Variants in TTI1 observed in about 807,000 individuals in gnomAD.
The protein encoded by TTI1 is TELO2-interacting protein 1 homolog.
In TTI1, 52 loss-of-function variants were observed where a neutral mutation model predicts 85.4. The ratio of observed to expected loss-of-function variants is 0.61; its 90% CI spans 0.49 to 0.77. The LOEUF is 0.77. Ranked by LOEUF, TTI1 falls within the 30% of genes least tolerant of loss-of-function variation. The pLI, the probability that TTI1 is intolerant of heterozygous loss-of-function variation, is 0.00. For missense variants in TTI1, 1,173 were observed against 1,296.0 expected (o/e 0.91, Z 1.46); for synonymous variants, 512 against 503.9 (o/e 1.02, Z -0.22).
At chr20:38,021,944 G>C (rs992392084) in intron 1 of TTI1, among the ~76,000 whole-genome samples, 3 of 152,158 alleles carry the variant, frequency 2.0e-5, no homozygotes, top group Non-Finnish European at 4.4e-5. Flanking sequence ...AAAAAGGGAG[G>C]GGAAAAAGTG....
At position 38,012,982 on chromosome 20, in the gene TTI1, A is replaced by C. The variant is rs764382981; in HGVS notation, c.835T>G (p.Trp279Gly). ...AELMVYREAD[W>G]VKKTGDKLTI... ...AACTTGTCGCCAGTCTTTTTTACCCAATCTGCTTCCCTGTAAACCATCAGC... is the reference window on the plus strand; with the variant it reads ...AACTTGTCGCCAGTCTTTTTTACCCCATCTGCTTCCCTGTAAACCATCAGC... The change falls in exon 2 of 8, where the codon TGG (tryptophan) becomes GGG (glycine). Residue 279 changes from tryptophan (W) to glycine (G), a missense_variant. By Grantham distance (184) the Trp-to-Gly change is radical. Coordinates refer to ENST00000373447, the MANE Select transcript of TTI1 (RefSeq NM_001303457.2). 7.8e-5 allele frequency: 126 copies of C among 1,613,882 alleles called. No individual in the cohort carries two copies. The highest frequency in any genetic ancestry group is 1.1e-4 in the Non-Finnish European group (124 of 1,180,022).
intron 1 of TTI1, among the ~76,000 whole-genome samples, chr20:38,026,376 C>T (rs903062353): frequency 1.2e-4 from 19 of 152,140 alleles, no homozygotes; most frequent in Admixed American, 7.9e-4. Context: ...CCAGGCTGGT[C>T]TCAAACTCCT....
At position 38,025,234 on chromosome 20, in the gene TTI1, A is replaced by C. The variant is rs530436407; in HGVS notation, c.-42+8170T>G. ...GAAATGTCCGAATCTCAATATAAAA[A>C]TCACTCATACCAGGAACCAGGAGGA... On this transcript the variant is annotated intron_variant, in intron 1 of 7. Transcript: ENST00000373447. Among the ~76,000 whole-genome samples, 224 of 152,298 alleles carry C rather than the reference A, an allele frequency of 1.5e-3. 1 individual carries two copies. Among genetic ancestry groups the C allele is most frequent in the Admixed American group, 8.2e-3 (125 of 15,296 alleles).
chr20:38,024,081 C>T (rs1211105808), intron 1 of TTI1, among the ~76,000 whole-genome samples: 1 of 152,098 alleles, frequency 6.6e-6, no homozygotes, highest in Non-Finnish European at 1.5e-5. Context: ...CTAGACAGGA[C>T]CTTTTTTGCT....
intron 7 of TTI1, chr20:37,987,533 C>T (rs1383175688): frequency 5.4e-6 from 2 of 367,100 alleles, no homozygotes; most frequent in African/African-American, 4.3e-5. Flanking sequence ...TCAGTGGCTC[C>T]AGAGAGCACA....
intron 1 of TTI1, among the ~76,000 whole-genome samples, chr20:38,025,675 G>A (rs958576237): frequency 2.6e-5 from 4 of 152,024 alleles, no homozygotes; most frequent in Non-Finnish European, 5.9e-5. Flanking sequence ...AAAACAGTAC[G>A]ATTAAAATGT....
In TTI1 at chr20:38,026,390, C is replaced by A. The variant is rs200938166; in HGVS notation, c.-42+7014G>T. Among the ~76,000 whole-genome samples the A allele has an allele frequency of 4.6e-5, 7 of 152,202 alleles. No individual in the cohort carries two copies. The East Asian group carries it at 1.4e-3, about 29-fold the overall frequency. ...GCCAGGCTGGTCTCAAACTCCTGGC[C>A]TCAAGTGATCCACCCACCTTAGCCT... On this transcript the variant is annotated intron_variant, in intron 1 of 7. Coordinates refer to ENST00000373447, the MANE Select transcript of TTI1 (RefSeq NM_001303457.2).
chr20:37,983,750 C>A, intron 7 of TTI1, 111 bp from the exon 8 acceptor site: 1 of 1,040,228 alleles, frequency 9.6e-7, no homozygotes. Flanking sequence ...AAACTGATAA[C>A]AATATCAAGT....
At chr20:37,988,368 A>G (rs1393614859) in intron 7 of TTI1, among the ~76,000 whole-genome samples, 2 of 152,256 alleles carry the variant, frequency 1.3e-5, no homozygotes, top group Non-Finnish European at 2.9e-5. Context: ...AAAACCAAAA[A>G]GAACCCCCTC....
At chr20:38,027,489 A>C (rs2073851133) in intron 1 of TTI1, among the ~76,000 whole-genome samples, 1 of 152,246 alleles carries the variant, frequency 6.6e-6, no homozygotes, top group African/African-American at 2.4e-5. Context: ...TTGACTCCCC[A>C]AAAACTTAAC....
In TTI1 at chr20:38,011,453, G is replaced by A. The variant is rs557856500; in HGVS notation, c.2302+62C>T. On this transcript the variant is annotated intron_variant, in intron 2 of 7. Coordinates refer to ENST00000373447, the MANE Select transcript of TTI1 (RefSeq NM_001303457.2). Reference sequence around the variant, plus strand: ...CAAACAATGCAAAAAACGAGGCTAAGCAAACTAGGAGACTGAGTCCTGTCC... The same window carrying A: ...CAAACAATGCAAAAAACGAGGCTAAACAAACTAGGAGACTGAGTCCTGTCC... 1.6e-4 allele frequency: 243 copies of A among 1,552,542 alleles called. 1 individual carries two copies. In the South Asian group the frequency reaches 1.8e-3, roughly 12 times the overall value.
Position 38,013,842 on chromosome 20 carries a change from G to GGAAACATCCT in TTI1, c.-36_-27dup, listed in dbSNP as rs1568625070. 1.3e-6 allele frequency: 2 copies of GGAAACATCCT among 1,589,902 alleles called. No homozygotes were observed. Among genetic ancestry groups the GGAAACATCCT allele is most frequent in the South Asian group, 2.3e-5 (2 of 88,544 alleles). ...TGTGCAGCAGCCTTCCCCTCATTGA[G>GGAAACATCCT]GAAACATCCTGCAGGCTGGAGGAAG... is the stretch of plus-strand genomic sequence containing the variant. On this transcript the variant is annotated 5_prime_UTR_variant, in exon 2 of 8. It adds an upstream start codon to the 5' untranslated region. Transcript: ENST00000373447.
chr20:38,013,340 TAACAG>T lies in TTI1; in HGVS notation c.472_476del (p.Leu158ArgfsTer12). On this transcript the variant is annotated frameshift_variant, in exon 2 of 8. Coordinates refer to ENST00000373447, the MANE Select transcript of TTI1 (RefSeq NM_001303457.2). LOFTEE classifies it high-confidence loss of function. ...TTGATTTCTCCTGTTCTGCAAGGCC[TAACAG>T]TAAAGATACAGCAAATCCTAAACGT... 1 of 1,614,074 alleles carries T rather than the reference TAACAG, an allele frequency of 6.2e-7. No individual in the cohort carries two copies. Among genetic ancestry groups the T allele is most frequent in the African/African-American group, 1.3e-5 (1 of 75,020 alleles).
At chr20:38,004,080 T>A (rs938601702) in intron 3 of TTI1, among the ~76,000 whole-genome samples, 5 of 152,022 alleles carry the variant, frequency 3.3e-5, no homozygotes, top group African/African-American at 9.7e-5. Flanking sequence ...CATTACCTCA[T>A]CTGGAAAAAA....
Position 37,998,087 on chromosome 20 carries a change from G to A in TTI1, c.2793+1101C>T, listed in dbSNP as rs367864926. Among the ~76,000 whole-genome samples, 134 of 152,140 alleles carry A rather than the reference G, an allele frequency of 8.8e-4. No individual in the cohort carries two copies. In the East Asian group the frequency reaches 0.016, roughly 18 times the overall value. On this transcript the variant is annotated intron_variant, in intron 5 of 7. Coordinates refer to ENST00000373447, the MANE Select transcript of TTI1 (RefSeq NM_001303457.2). Reference sequence around the variant, plus strand: ...TGGGATTATAGGCGCCTGCCACTGCGCCCAGGTAATTTTTGTATTTTTAGT... The same window carrying A: ...TGGGATTATAGGCGCCTGCCACTGCACCCAGGTAATTTTTGTATTTTTAGT...
At chr20:37,999,163 AC>A in intron 5 of TTI1, 24 bp downstream of exon 5, 1 of 1,385,824 alleles carries the variant, frequency 7.2e-7, no homozygotes, top group Non-Finnish European at 9.4e-7. Flanking sequence ...CTCACAACAG[AC>A]CATGGGGGAT....
intron 3 of TTI1, among the ~76,000 whole-genome samples, chr20:38,005,144 T>A (rs1047910081): frequency 6.6e-6 from 1 of 151,358 alleles, no homozygotes; most frequent in Non-Finnish European, 1.5e-5. Flanking sequence ...ACAGTGGAGA[T>A]CACCAAAAGG....
At chr20:38,030,445 A>T (rs548282405) in intron 1 of TTI1, among the ~76,000 whole-genome samples, 14 of 152,240 alleles carry the variant, frequency 9.2e-5, no homozygotes, top group Middle Eastern at 3.4e-3. Flanking sequence ...TACAAAAATT[A>T]AAAAAATCTA....
At chr20:38,004,844 G>T (rs1749823037) in intron 3 of TTI1, among the ~76,000 whole-genome samples, 1 of 152,220 alleles carries the variant, frequency 6.6e-6, no homozygotes, top group Non-Finnish European at 1.5e-5. Flanking sequence ...GATTATGAGG[G>T]ATCAGAATGC....
Sources: allele counts gnomAD v4.1 joint callset (sites outside exome capture counted in the v4.1 genomes callset), GRCh38; gene constraint gnomAD v4.1.1; transcripts MANE v1.5; gene names NCBI Gene and HGNC (gene_info 2026-07-23, HGNC 2026-07-21).